The following MYH2 variants were observed in gnomAD, a reference collection of about 807,000 sequenced individuals.
MYH2 encodes myosin-2.
A neutral mutation model predicts 228.1 loss-of-function variants in MYH2; 139 were observed. The observed-to-expected ratio is 0.61, with a 90% confidence interval of 0.53 to 0.70. The LOEUF (loss-of-function observed/expected upper bound fraction) is 0.70. MYH2 is among the 30% of genes least tolerant of loss of function. MYH2 has a pLI of 0.00. For missense variants in MYH2, 1,809 were observed against 2,357.5 expected (o/e 0.77, Z 4.82); for synonymous variants, 796 against 871.1 (o/e 0.91, Z 1.52).
chr17:10,533,502 A>T lies in MYH2; in HGVS notation c.2304+7T>A, dbSNP rs370223713. 1.2e-6 allele frequency: 2 copies of T among 1,614,202 alleles called. No homozygotes were observed. The highest frequency in any genetic ancestry group is 1.1e-5 in the South Asian group (1 of 91,086). ...AATAGCATCAGGTAGGATTTACAGA[A>T]AATTACCTTGGTGTGCCCAAATTTA... is the stretch of plus-strand genomic sequence containing the variant. On this transcript the variant is annotated splice_region_variant and intron_variant, in intron 20 of 39. Transcript: ENST00000245503.
chr17:10,545,699 G>A (rs1388760879), intron 4 of MYH2, among the ~76,000 whole-genome samples, 197 bp from the exon 5 acceptor site: 1 of 151,998 alleles, frequency 6.6e-6, no homozygotes, highest in African/African-American at 2.4e-5. Flanking sequence ...CAAGTAGCTG[G>A]TACTACAGGC....
chr17:10,524,797 T>C lies in MYH2; in HGVS notation c.4931A>G (p.Glu1644Gly), dbSNP rs1012216225. 2 of 1,614,056 alleles carry C rather than the reference T, an allele frequency of 1.2e-6. No individual in the cohort carries two copies. The highest frequency in any genetic ancestry group is 2.7e-5 in the African/African-American group (2 of 74,924). ...QLNHANRMAA[E>G]ALRNYRNTQG... Reference sequence around the variant, plus strand: ...GGTGTTCCTGTAGTTCCTCAGGGCCTCAGCAGCCATGCGGTTGGCATGGTT... The same window carrying C: ...GGTGTTCCTGTAGTTCCTCAGGGCCCCAGCAGCCATGCGGTTGGCATGGTT... Residue 1644 changes from glutamate (E) to glycine (G), a missense_variant, in exon 34 of 40, where the codon GAG (glutamate) becomes GGG (glycine). By Grantham distance (98) the Glu-to-Gly change is moderately conservative. Transcript: ENST00000245503. The surrounding 1 kb of genome is among the most constrained non-coding windows in gnomAD (Gnocchi z 4.7).
intron 27 of MYH2, 102 bp from the exon 28 acceptor site, chr17:10,527,976 T>C: frequency 1.5e-6 from 2 of 1,368,984 alleles, no homozygotes; most frequent in Non-Finnish European, 2.0e-6. Context: ...AAATACAATA[T>C]TTATCTTAAT....
intron 39 of MYH2, among the ~76,000 whole-genome samples, chr17:10,522,007 C>T (rs1340561904): frequency 6.6e-6 from 1 of 152,142 alleles, no homozygotes; most frequent in East Asian, 1.9e-4. Context: ...GTAAGACTTA[C>T]TACTTAGTAA....
At chr17:10,541,387 A>G (rs913795125) in intron 10 of MYH2, among the ~76,000 whole-genome samples, 1 of 152,164 alleles carries the variant, frequency 6.6e-6, no homozygotes, top group Non-Finnish European at 1.5e-5. Context: ...TAAGGGTTGA[A>G]ATAAGCCTGG....
chr17:10,543,290 G>T, intron 8 of MYH2, 129 bp from the exon 9 acceptor site: 1 of 696,540 alleles, frequency 1.4e-6, no homozygotes, highest in Admixed American at 2.9e-5. Flanking sequence ...GGTAGAAAAA[G>T]GTGTATCTCC....
rs1384658016 is a variant in MYH2, at chr17:10,532,998, A to C, written c.2441+287T>G. ...ATGATCTGTCCAATAAATTCATATTAGAAACAGGTGCTAGGGCAAAAGTTT... is the reference window on the plus strand; with the variant it reads ...ATGATCTGTCCAATAAATTCATATTCGAAACAGGTGCTAGGGCAAAAGTTT... On this transcript the variant is annotated intron_variant, in intron 21 of 39. Transcript: ENST00000245503. 2.0e-5 allele frequency among the ~76,000 whole-genome samples: 3 copies of C among 152,334 alleles called. No individual in the cohort carries two copies. The South Asian group carries it at 6.2e-4, about 32-fold the overall frequency.
Position 10,521,600 on chromosome 17 carries a change from T to C in MYH2, c.5674-168A>G, listed in dbSNP as rs71360268. On this transcript the variant is annotated intron_variant, in intron 39 of 39. Transcript: ENST00000245503. Reference sequence around the variant, plus strand: ...GATGTCATATATATATATATATATATACACACACACATACATACATACGTA... The same window carrying C: ...GATGTCATATATATATATATATATACACACACACACATACATACATACGTA... Among the ~76,000 whole-genome samples the C allele has an allele frequency of 0.075, 11,341 of 150,752 alleles. 498 individuals are homozygous for C. The highest frequency in any genetic ancestry group is 0.12 in the South Asian group (581 of 4,752).
At chr17:10,546,484 G>A (rs538377269) in intron 4 of MYH2, among the ~76,000 whole-genome samples, 123 of 151,878 alleles carry the variant, frequency 8.1e-4, no homozygotes, top group African/African-American at 2.4e-3. Flanking sequence ...AATATTTACT[G>A]CATGTTTATT....
At chr17:10,528,047 CTT>C (rs71365770) in intron 27 of MYH2, among the ~76,000 whole-genome samples, 173 bp from the exon 28 acceptor site, 6 of 131,834 alleles carry the variant, frequency 4.6e-5, no homozygotes, top group East Asian at 2.3e-4. Context: ...TTCTTTCTTT[CTT>C]TTTTTTTTTT....
intron 5 of MYH2, among the ~76,000 whole-genome samples, chr17:10,545,031 G>GTGTGTGTA (rs1415228141): frequency 7.4e-6 from 1 of 134,598 alleles, no homozygotes; most frequent in African/African-American, 2.6e-5. Context: ...GTGTGTGTGT[G>GTGTGTGTA]TATATATACA....
chr17:10,547,154 G>C (rs1173442473), intron 4 of MYH2, among the ~76,000 whole-genome samples: 1 of 152,172 alleles, frequency 6.6e-6, no homozygotes, highest in African/African-American at 2.4e-5. Flanking sequence ...GGATGATTCT[G>C]CGGCTGGAGT....
intron 14 of MYH2, among the ~76,000 whole-genome samples, 200 bp downstream of exon 14, chr17:10,539,005 T>C (rs1163596918): frequency 6.6e-6 from 1 of 152,228 alleles, no homozygotes; most frequent in Non-Finnish European, 1.5e-5. Context: ...CAATAACAAG[T>C]TGGGGAGTCC....
At chr17:10,540,098 G>T (rs368297580) in intron 11 of MYH2, 32 bp from the exon 12 acceptor site, 107 of 1,613,484 alleles carry the variant, frequency 6.6e-5, no homozygotes, top group Non-Finnish European at 8.5e-5. Flanking sequence ...TAGCTGTTAG[G>T]TTGTGATCCA....
At chr17:10,533,446 C>A (rs776885185) in intron 20 of MYH2, 25 bp from the exon 21 acceptor site, 1 of 1,614,092 alleles carries the variant, frequency 6.2e-7, no homozygotes, top group Non-Finnish European at 8.5e-7. Context: ...AGTTGCAAAT[C>A]ACAAGCTTTA....
intron 17 of MYH2, 149 bp from the exon 18 acceptor site, chr17:10,535,514 A>T (rs1381898897): frequency 5.4e-6 from 4 of 736,134 alleles, no homozygotes; most frequent in African/African-American, 1.7e-5. Flanking sequence ...GCTTCTTCTG[A>T]GATGCTTTTT....
intron 5 of MYH2, 47 bp from the exon 6 acceptor site, chr17:10,544,174 G>A (rs1405899215): frequency 2.5e-6 from 4 of 1,595,864 alleles, no homozygotes; most frequent in East Asian, 2.2e-5. Flanking sequence ...TTACATATTT[G>A]TAAATGATAA....
At chr17:10,532,489 A>T (rs1439936284) in intron 21 of MYH2, among the ~76,000 whole-genome samples, 1 of 152,214 alleles carries the variant, frequency 6.6e-6, no homozygotes, top group Non-Finnish European at 1.5e-5. Flanking sequence ...CCCCATATAT[A>T]GACAATTACC....
Position 10,545,455 on chromosome 17 carries a change from C to A in MYH2, c.396G>T (p.Leu132=). The A allele has an allele frequency of 6.2e-7, 1 of 1,614,188 alleles. No homozygotes were observed. The highest frequency in any genetic ancestry group is 8.5e-7 in the Non-Finnish European group (1 of 1,180,028). ...TCACCACCTCGGGCTTATACACAGG[C>A]AGCCACTTGTAGGGGTTGACAGTGA... ...FCVTVNPYKW[L]PVYKPEVVTA... is the part of the protein sequence containing the mutation. The change falls in exon 5 of 40, where the codon CTG becomes CTT. Residue 132 remains leucine (L), a synonymous_variant. Coordinates refer to ENST00000245503, the MANE Select transcript of MYH2 (RefSeq NM_017534.6).
Sources: allele counts gnomAD v4.1 joint callset (sites outside exome capture counted in the v4.1 genomes callset), GRCh38; gene constraint gnomAD v4.1.1; non-coding constraint Gnocchi (gnomAD v3.1); transcripts MANE v1.5; gene names NCBI Gene and HGNC (gene_info 2026-07-23, HGNC 2026-07-21).